Variants in WNT3A observed in about 807,000 individuals in gnomAD.
WNT3A encodes the protein protein Wnt-3a.
WNT3A carries 17 observed loss-of-function variants against 37.0 expected under a neutral mutation model. That is an observed-to-expected ratio of 0.46 (90% CI 0.31 to 0.69). WNT3A has a LOEUF of 0.69. WNT3A is among the 30% of genes least tolerant of loss of function. The pLI is 0.05. For synonymous variants in WNT3A, 187 were observed against 211.0 expected, an observed-to-expected ratio of 0.89 and a Z score of 0.99; for missense variants, 411 against 510.2, an observed-to-expected ratio of 0.81 and a Z score of 1.87.
At chr1:228,036,377 ATGTG>A (rs35733653) in intron 2 of WNT3A, among the ~76,000 whole-genome samples, 12 of 150,382 alleles carry the variant, frequency 8.0e-5, no homozygotes, top group African/African-American at 2.4e-4. Flanking sequence ...ATGCATGTGC[ATGTG>A]TGTGTGTGTG....
intron 2 of WNT3A, among the ~76,000 whole-genome samples, chr1:228,024,895 G>A (rs1273864195): frequency 2.0e-5 from 3 of 152,082 alleles, no homozygotes; most frequent in East Asian, 1.9e-4. Context: ...GGAAAAAACT[G>A]TTCTTTTTCC....
Position 228,050,929 on chromosome 1 carries a change from C to T in WNT3A, c.579+8C>T, listed in dbSNP as rs775801439. ...AACGAGGCTGGGCGCCAGGTAGGTT[C>T]GCCGCCCGCAAGGGTGCTTGGGAAA... On this transcript the variant is annotated splice_region_variant and intron_variant, in intron 3 of 3. Coordinates refer to ENST00000284523, the MANE Select transcript of WNT3A (RefSeq NM_033131.4). This position sits in a 1 kb window ranked among gnomAD's most constrained non-coding sequence, Gnocchi z 5.0. 15 of 1,526,432 alleles carry T rather than the reference C, an allele frequency of 9.8e-6. No homozygotes were observed. Among genetic ancestry groups the T allele is most frequent in the Middle Eastern group, 1.8e-4 (1 of 5,562 alleles). The allele number at this position is 1,526,432 out of a possible 1,614,324, so 94.6% of individuals were successfully genotyped here. A position where few individuals can be genotyped will look rare whatever the true frequency, so the allele number is the denominator to read the frequency against.
In WNT3A at chr1:228,039,994, G is replaced by C. The variant is rs1017549641; in HGVS notation, c.314-10662G>C. Among the ~76,000 whole-genome samples, 3 of 152,172 alleles carry C rather than the reference G, an allele frequency of 2.0e-5. No homozygotes were observed. Among genetic ancestry groups the C allele is most frequent in the African/African-American group, 7.2e-5 (3 of 41,442 alleles). Reference sequence around the variant, plus strand: ...TGTCCCAGGAGCCCAGGAGTCCCAGGCTGTCCCTCTCCTCTCGCCCTGTAT... The same window carrying C: ...TGTCCCAGGAGCCCAGGAGTCCCAGCCTGTCCCTCTCCTCTCGCCCTGTAT... On this transcript the variant is annotated intron_variant, in intron 2 of 3. Coordinates refer to ENST00000284523, the MANE Select transcript of WNT3A (RefSeq NM_033131.4). This position sits in a 1 kb window ranked among gnomAD's most constrained non-coding sequence, Gnocchi z 4.1.
chr1:228,059,417 C>A lies in WNT3A; in HGVS notation c.1011C>A (p.Val337=), dbSNP rs368162569. The change falls in exon 4 of 4, where the codon GTC becomes GTA. Residue 337 remains valine, a synonymous_variant. Transcript: ENST00000284523. The part of the protein sequence containing the change: ...CRCVFHWCCY[V]SCQECTRVYD... Reference sequence around the variant, plus strand: ...GCGTGTTCCACTGGTGCTGCTACGTCAGCTGCCAGGAGTGCACGCGCGTCT... The same window carrying A: ...GCGTGTTCCACTGGTGCTGCTACGTAAGCTGCCAGGAGTGCACGCGCGTCT... 3 of 1,550,774 alleles carry A rather than the reference C, an allele frequency of 1.9e-6. No homozygotes were observed. The highest frequency in any genetic ancestry group is 1.4e-5 in the African/African-American group (1 of 73,676).
chr1:228,054,718 GAA>G (rs549278555), intron 3 of WNT3A, among the ~76,000 whole-genome samples: 3 of 79,594 alleles, frequency 3.8e-5, no homozygotes, highest in Non-Finnish European at 5.3e-5. Context: ...AGTTAAACCA[GAA>G]AAAAAAAAAA....
intron 3 of WNT3A, among the ~76,000 whole-genome samples, chr1:228,053,012 A>G (rs2031591214): frequency 3.3e-5 from 5 of 152,154 alleles, no homozygotes; most frequent in Admixed American, 3.3e-4. Flanking sequence ...AAAGGGACCA[A>G]TGCTGCTGTA....
At chr1:228,048,947 C>A (rs571678709) in intron 2 of WNT3A, among the ~76,000 whole-genome samples, 74 of 152,354 alleles carry the variant, frequency 4.9e-4, no homozygotes, top group South Asian at 1.4e-3. Flanking sequence ...CCCTCCCCTA[C>A]CACCCTTCTG....
intron 1 of WNT3A, among the ~76,000 whole-genome samples, chr1:228,017,879 G>C (rs1286776207): frequency 6.6e-6 from 1 of 152,124 alleles, no homozygotes; most frequent in Non-Finnish European, 1.5e-5. Flanking sequence ...ACTCAGAGGT[G>C]GTCAGGAAAT....
chr1:228,024,850 G>A (rs1210827995), intron 2 of WNT3A, among the ~76,000 whole-genome samples: 1 of 151,986 alleles, frequency 6.6e-6, no homozygotes, highest in Non-Finnish European at 1.5e-5. Context: ...ACATTTTTTT[G>A]CATATGGAAA....
intron 1 of WNT3A, 34 bp from the exon 2 acceptor site, chr1:228,022,633 C>A (rs750962896): frequency 6.3e-7 from 1 of 1,595,448 alleles, no homozygotes; most frequent in South Asian, 1.1e-5. Flanking sequence ...GCTGTCCCAG[C>A]CCCACACTCA....
chr1:228,017,924 G>T (rs981257543), intron 1 of WNT3A, among the ~76,000 whole-genome samples: 2 of 152,158 alleles, frequency 1.3e-5, no homozygotes, highest in Non-Finnish European at 2.9e-5. Flanking sequence ...GGGAGTATCT[G>T]CTGGCTCCCA....
intron 3 of WNT3A, among the ~76,000 whole-genome samples, chr1:228,058,711 G>A (rs763053983): frequency 6.6e-6 from 1 of 152,208 alleles, no homozygotes; most frequent in Admixed American, 6.5e-5. Flanking sequence ...TCCTTCATTC[G>A]CTCCACCCTA....
chr1:228,033,628 T>A (rs2031065515), intron 2 of WNT3A, among the ~76,000 whole-genome samples: 1 of 152,238 alleles, frequency 6.6e-6, no homozygotes, highest in South Asian at 2.1e-4. Context: ...CTTTTCAAGG[T>A]TATTTTGGCT....
At chr1:228,021,978 G>A (rs1350805672) in intron 1 of WNT3A, among the ~76,000 whole-genome samples, 1 of 152,228 alleles carries the variant, frequency 6.6e-6, no homozygotes, top group Non-Finnish European at 1.5e-5. Context: ...AGATCTGGAC[G>A]ACTTGAATTC....
intron 1 of WNT3A, among the ~76,000 whole-genome samples, chr1:228,019,777 A>G (rs1239878760): frequency 6.6e-6 from 1 of 152,216 alleles, no homozygotes; most frequent in Non-Finnish European, 1.5e-5. Context: ...GCTCTGTCCC[A>G]AATACTGTAG....
rs1326347035 is a variant in WNT3A at position 228,060,201 on chromosome 1, G to A, written c.*736G>A. ...TCCTGATTAAGGCGTGGCTTCTGCA[G>A]GAATCCCGGCTCCAGAGCAGGAAAT... On this transcript the variant is annotated 3_prime_UTR_variant, in exon 4 of 4. Transcript: ENST00000284523. The A allele has an allele frequency of 2.2e-6, 3 of 1,351,778 alleles. No individual in the cohort carries two copies. Among genetic ancestry groups the A allele is most frequent in the South Asian group, 2.3e-5 (2 of 88,042 alleles). 83.7% of individuals were successfully genotyped at this position (1,351,778 alleles called of 1,614,324 possible).
intron 1 of WNT3A, among the ~76,000 whole-genome samples, chr1:228,020,970 A>C (rs915920811): frequency 2.0e-5 from 3 of 152,176 alleles, no homozygotes; most frequent in African/African-American, 7.2e-5. Flanking sequence ...CATAAGCATA[A>C]GGAACTCTCT....
At chr1:228,041,915 C>T (rs1476500035) in intron 2 of WNT3A, among the ~76,000 whole-genome samples, 1 of 152,212 alleles carries the variant, frequency 6.6e-6, no homozygotes, top group East Asian at 1.9e-4. Context: ...GACAGGAACT[C>T]CTTCAACTTT....
Position 228,059,990 on chromosome 1 carries a change from A to G in WNT3A, c.*525A>G. The stretch of plus-strand genomic sequence containing the variant: ...CCTTAGGAGTGGGGTTTTATGGTGG[A>G]TGAGGCTTCTTCCTGGATGGGGCAG... On this transcript the variant is annotated 3_prime_UTR_variant, in exon 4 of 4. Transcript: ENST00000284523. 1 of 1,145,154 alleles carries G rather than the reference A, an allele frequency of 8.7e-7. No individual in the cohort carries two copies. The highest frequency in any genetic ancestry group is 1.1e-6 in the Non-Finnish European group (1 of 918,014). 70.9% of individuals were successfully genotyped at this position (1,145,154 alleles called of 1,614,324 possible).
Sources: allele counts gnomAD v4.1 joint callset (sites outside exome capture counted in the v4.1 genomes callset), GRCh38; gene constraint gnomAD v4.1.1; non-coding constraint Gnocchi (gnomAD v3.1); transcripts MANE v1.5; gene names NCBI Gene and HGNC (gene_info 2026-07-23, HGNC 2026-07-21).